The following PREX2 variants were observed in gnomAD, a reference collection of about 807,000 sequenced individuals.
PREX2 encodes phosphatidylinositol-3,4,5-trisphosphate dependent Rac exchange factor 2.
PREX2 carries 107 observed loss-of-function variants against 203.2 expected under a neutral mutation model. That is an observed-to-expected ratio of 0.53 (90% CI 0.45 to 0.62). The LOEUF (loss-of-function observed/expected upper bound fraction) is 0.62, where lower values mean the gene tolerates loss of function less well. Among genes scored for constraint, PREX2 ranks in the 20% least tolerant of loss-of-function variants. The pLI is 0.00. For missense variants in PREX2, 1,777 were observed against 1,955.9 expected (o/e 0.91, Z 1.72); for synonymous variants, 672 against 663.6 (o/e 1.01, Z -0.19).
At chr8:68,048,518 TA>T (rs1372446238) in intron 8 of PREX2, among the ~76,000 whole-genome samples, 7 of 151,982 alleles carry the variant, frequency 4.6e-5, no homozygotes, top group African/African-American at 1.7e-4. Flanking sequence ...GTAAGTCAAT[TA>T]AAAAAATTTA....
chr8:68,115,247 C>T (rs926845086), intron 25 of PREX2, among the ~76,000 whole-genome samples: 22 of 152,026 alleles, frequency 1.4e-4, no homozygotes, highest in South Asian at 2.1e-4. Context: ...AGGCTGGTCT[C>T]GAACTTCCGA....
intron 37 of PREX2, among the ~76,000 whole-genome samples, chr8:68,199,534 A>C (rs1235644600): frequency 2.6e-5 from 4 of 152,236 alleles, no homozygotes; most frequent in Non-Finnish European, 4.4e-5. Flanking sequence ...CTAAAATATG[A>C]TTATAAGCCT....
At chr8:68,190,568 T>C (rs13254763) in intron 35 of PREX2, among the ~76,000 whole-genome samples, 23,332 of 151,990 alleles carry the variant, frequency 0.15, 2,099 homozygotes, top group Non-Finnish European at 0.21. Flanking sequence ...TACACACTTT[T>C]CACAACCCCC....
intron 1 of PREX2, among the ~76,000 whole-genome samples, chr8:67,974,011 A>G (rs1364557302): frequency 6.6e-6 from 1 of 152,228 alleles, no homozygotes; most frequent in Non-Finnish European, 1.5e-5. Flanking sequence ...TCTATTACAT[A>G]CTAGGTGTTA....
intron 35 of PREX2, among the ~76,000 whole-genome samples, chr8:68,161,437 T>C (rs1352449320): frequency 1.3e-5 from 2 of 152,138 alleles, no homozygotes; most frequent in African/African-American, 4.8e-5. Flanking sequence ...AAGAAAACCC[T>C]GTTATTCTAA....
At chr8:68,014,421 A>C (rs934661709) in intron 1 of PREX2, among the ~76,000 whole-genome samples, 1 of 152,110 alleles carries the variant, frequency 6.6e-6, no homozygotes, top group Non-Finnish European at 1.5e-5. Context: ...GTTCACACAC[A>C]TGCAAGCTGA....
At chr8:68,152,162 A>C (rs1045886434) in intron 34 of PREX2, among the ~76,000 whole-genome samples, 1 of 151,648 alleles carries the variant, frequency 6.6e-6, no homozygotes, top group Non-Finnish European at 1.5e-5. Flanking sequence ...GGTGGCGGGC[A>C]TCTGTAGTCC....
chr8:68,038,127 A>G, intron 6 of PREX2, 32 bp from the exon 7 acceptor site: 1 of 1,598,020 alleles, frequency 6.3e-7, no homozygotes, highest in South Asian at 1.1e-5. Context: ...CAACCAAGTA[A>G]GCAGACATTA....
intron 1 of PREX2, among the ~76,000 whole-genome samples, chr8:67,981,872 T>G (rs926004128): frequency 6.6e-6 from 1 of 152,310 alleles, no homozygotes; most frequent in African/African-American, 2.4e-5. Context: ...AGTGACTTGG[T>G]TGCTCAATTG....
intron 10 of PREX2, among the ~76,000 whole-genome samples, chr8:68,058,834 C>G (rs1209383310): frequency 1.3e-5 from 2 of 152,190 alleles, no homozygotes; most frequent in African/African-American, 4.8e-5. Flanking sequence ...GAAACAGAAA[C>G]AGGATTTGAG....
At chr8:67,976,705 A>G (rs1190313025) in intron 1 of PREX2, among the ~76,000 whole-genome samples, 2 of 73,388 alleles carry the variant, frequency 2.7e-5, no homozygotes, top group African/African-American at 8.7e-5. Flanking sequence ...AGAGAGAGAG[A>G]CGGGAGAGAG....
At chr8:68,116,583 C>T (rs1810663869) in intron 26 of PREX2, among the ~76,000 whole-genome samples, 3 of 152,156 alleles carry the variant, frequency 2.0e-5, no homozygotes, top group South Asian at 2.1e-4. Context: ...CCGTGCCAGG[C>T]GTGGCTCCTT....
chr8:68,130,032 C>G (rs1359203985), intron 31 of PREX2, among the ~76,000 whole-genome samples: 3 of 144,058 alleles, frequency 2.1e-5, no homozygotes, highest in African/African-American at 7.8e-5. Context: ...AATCCCAGCA[C>G]TTTGGGAGGC....
intron 17 of PREX2, among the ~76,000 whole-genome samples, chr8:68,081,949 A>C (rs1809543604): frequency 1.3e-5 from 2 of 151,690 alleles, no homozygotes; most frequent in Admixed American, 6.6e-5. Context: ...TGCCCACCTC[A>C]GCCTCCCAAA....
At chr8:68,017,644 A>G (rs546650018) in intron 1 of PREX2, among the ~76,000 whole-genome samples, 17 of 152,292 alleles carry the variant, frequency 1.1e-4, no homozygotes, top group African/African-American at 2.9e-4. Flanking sequence ...TTCTGGCTCT[A>G]CCCCAACATG....
chr8:68,024,227 T>C (rs1203601613), intron 4 of PREX2, among the ~76,000 whole-genome samples: 3 of 152,072 alleles, frequency 2.0e-5, no homozygotes, highest in East Asian at 1.9e-4. Flanking sequence ...ATGCTATGAA[T>C]TACTATTCAT....
At chr8:68,073,794 A>G (rs1188310174) in intron 14 of PREX2, among the ~76,000 whole-genome samples, 1 of 152,156 alleles carries the variant, frequency 6.6e-6, no homozygotes, top group Non-Finnish European at 1.5e-5. Flanking sequence ...GTGAACTTGT[A>G]TGATGTGTTG....
At chr8:68,082,476 C>G (rs1809559474) in intron 17 of PREX2, 1 of 152,146 alleles carries the variant, frequency 6.6e-6, no homozygotes, top group Non-Finnish European at 1.5e-5. Context: ...TTTAGTGGAC[C>G]TGGCCAACGA....
intron 1 of PREX2, 123 bp from the exon 2 acceptor site, chr8:68,017,723 T>G: frequency 1.4e-6 from 1 of 732,158 alleles, no homozygotes; most frequent in Non-Finnish European, 2.3e-6. Context: ...ACAAAACTAT[T>G]ATACTCAACA....
Sources: gnomAD v4.1 joint callset for allele counts (sites outside exome capture counted in the v4.1 genomes callset) on GRCh38, gnomAD v4.1.1 for gene constraint, MANE v1.5 for transcripts, NCBI Gene and HGNC (gene_info 2026-07-23, HGNC 2026-07-21) for gene names.